Variants in ZP3 observed in about 807,000 individuals in gnomAD.
The protein encoded by ZP3 is zona pellucida glycoprotein 3, also known as zona pellucida sperm-binding protein 3.
In ZP3, 21 loss-of-function variants were observed where a neutral mutation model predicts 35.6. The ratio of observed to expected loss-of-function variants is 0.59; its 90% confidence interval spans 0.42 to 0.85. The LOEUF is 0.85. Ranked by LOEUF, ZP3 falls within the 40% of genes least tolerant of loss-of-function variation. The pLI is 0.00. For missense variants in ZP3, 437 were observed against 536.5 expected (o/e 0.81, Z 1.83); for synonymous variants, 207 against 214.5 (o/e 0.96, Z 0.31).
intron 1 of ZP3, among the ~76,000 whole-genome samples, chr7:76,406,462 T>G (rs914285147): frequency 6.6e-6 from 1 of 152,034 alleles, no homozygotes; most frequent in African/African-American, 2.4e-5. Context: ...ATTAATTAAT[T>G]TTTTTTACTT....
intron 1 of ZP3, chr7:76,400,957 G>T: frequency 6.5e-7 from 1 of 1,550,026 alleles, no homozygotes; most frequent in Non-Finnish European, 8.7e-7. Flanking sequence ...TCTGAGGCTG[G>T]AGTACCTGGC....
intron 1 of ZP3, among the ~76,000 whole-genome samples, chr7:76,412,951 T>G (rs1449292984): frequency 7.6e-6 from 1 of 131,184 alleles, no homozygotes; most frequent in Non-Finnish European, 1.6e-5. Flanking sequence ...CTTCTTTGTC[T>G]TCTTCTTCTT....
intron 1 of ZP3, chr7:76,397,927 C>A: frequency 8.0e-7 from 1 of 1,257,378 alleles, no homozygotes; most frequent in East Asian, 2.6e-5. Context: ...ATCTACAACC[C>A]TTGGGCATCT....
At position 76,400,506 on chromosome 7, in the gene ZP3, G is replaced by A. The variant is rs575407993; in HGVS notation, c.-67+2709G>A. ...CGTTGGCGTCCACCACGTCCCAGTC[G>A]TCATCACAGACGCTGCCCCAGGAGC... On this transcript the variant is annotated intron_variant, in intron 1 of 8. Transcript: ENST00000336517. 104 of 1,595,748 alleles carry A rather than the reference G, an allele frequency of 6.5e-5. 3 individuals carry two copies. In the South Asian group the frequency reaches 1.1e-3, roughly 16 times the overall value.
chr7:76,440,346 G>A lies in ZP3; in HGVS notation c.923+5G>A. The A allele has an allele frequency of 8.6e-7, 1 of 1,162,170 alleles. No homozygotes were observed. The highest frequency in any genetic ancestry group is 1.1e-6 in the Non-Finnish European group (1 of 918,772). The allele number at this position is 1,162,170 out of a possible 1,614,324, so 72.0% of individuals were successfully genotyped here. Reference sequence around the variant, plus strand: ...CTTCAGCAAGCCTTCCAACAGGTGAGGAGGACAGGTGCTCCGTGACTGGAG... The same window carrying A: ...CTTCAGCAAGCCTTCCAACAGGTGAAGAGGACAGGTGCTCCGTGACTGGAG... On this transcript the variant is annotated splice_donor_5th_base_variant and intron_variant, in intron 6 of 7. Transcript: ENST00000394857.
In ZP3 at chr7:76,433,656, T is replaced by A; in HGVS notation, c.713+9T>A. 1.3e-6 allele frequency: 2 copies of A among 1,588,044 alleles called. No individual in the cohort carries two copies. Among genetic ancestry groups the A allele is most frequent in the Non-Finnish European group, 1.7e-6 (2 of 1,165,084 alleles). ...ATCGTGGACTTCCATGGGTGAGCAC[T>A]GGGCTCCCTGCCTAGAGAACCTTCC... On this transcript the variant is annotated intron_variant, in intron 4 of 7. Coordinates refer to ENST00000394857, the MANE Select transcript of ZP3 (RefSeq NM_001110354.2).
intron 3 of ZP3, 88 bp downstream of exon 3, chr7:76,433,118 T>G (rs554616336): frequency 3.9e-5 from 23 of 583,172 alleles, no homozygotes; most frequent in East Asian, 3.0e-4. Context: ...TTTTTGTTTG[T>G]TTGGTTTTGG....
At chr7:76,429,084 G>C (rs1354412838) in intron 1 of ZP3, 12 of 215,262 alleles carry the variant, frequency 5.6e-5, no homozygotes, top group Non-Finnish European at 1.1e-4. Flanking sequence ...GTACTGGGGG[G>C]CATGGAGGGG....
chr7:76,425,419 A>C lies in ZP3; in HGVS notation c.312+143A>C, dbSNP rs111978546. The C allele has an allele frequency of 3.4e-6, 3 of 890,252 alleles. No individual in the cohort carries two copies. The South Asian group carries it at 5.4e-5, about 16-fold the overall frequency. The allele number at this position is 890,252 out of a possible 1,614,324, so 55.1% of individuals were successfully genotyped here. A position where few individuals can be genotyped will look rare whatever the true frequency, so the allele number is the denominator to read the frequency against. On this transcript the variant is annotated intron_variant, in intron 1 of 7. Transcript: ENST00000394857. The stretch of plus-strand genomic sequence containing the variant: ...GGGGAGGTGGCCCAGTTGAGGCCTG[A>C]AGCTGGCACTGAGGTCACCGGACCC...
At chr7:76,420,906 C>CAT (rs1805488349), upstream of ZP3, among the ~76,000 whole-genome samples, 1 of 144,588 alleles carries the variant, frequency 6.9e-6, no homozygotes. Flanking sequence ...TATATTTCCA[C>CAT]GTGTGTGTGT....
chr7:76,415,368 A>AAAAAAAAAAAAAAAAAG (rs1805344611), intron 1 of ZP3, among the ~76,000 whole-genome samples: 1 of 150,656 alleles, frequency 6.6e-6, no homozygotes, highest in South Asian at 2.1e-4. Context: ...CCGTCTCAAA[A>AAAAAAAAAAAAAAAAAG]AAAAAAAAAA....
intron 1 of ZP3, among the ~76,000 whole-genome samples, chr7:76,410,979 A>G (rs1805226094): frequency 6.9e-6 from 1 of 144,074 alleles, no homozygotes; most frequent in Non-Finnish European, 1.5e-5. Flanking sequence ...TGGGCAACAG[A>G]GCAAGACTCC....
At chr7:76,432,389 T>A (rs1426579667) in intron 2 of ZP3, among the ~76,000 whole-genome samples, 1 of 152,106 alleles carries the variant, frequency 6.6e-6, no homozygotes, top group African/African-American at 2.4e-5. Flanking sequence ...TTTCACCATG[T>A]TAGCCAGGAT....
upstream of ZP3, among the ~76,000 whole-genome samples, chr7:76,423,707 T>C (rs1017139564): frequency 5.3e-5 from 8 of 151,772 alleles, no homozygotes; most frequent in African/African-American, 1.7e-4. Context: ...GGATCCCTTG[T>C]GGTGAGGAGC....
chr7:76,433,154 G>GTTGGTTTTGGTTGGTTTTGC (rs1464311202), intron 3 of ZP3, 124 bp downstream of exon 3: 1 of 761,258 alleles, frequency 1.3e-6, no homozygotes, highest in African/African-American at 1.8e-5. Context: ...GTTGGTTTTG[G>GTTGGTTTTGGTTGGTTTTGC]TTGGTTTTGG....
chr7:76,405,965 C>CTTCCT lies in ZP3; in HGVS notation c.-67+8182_-67+8186dup, dbSNP rs1554622787. ...CCTTTCTTTCCTTCCTTCCTTCCTTCTTCCTTTCCTTTCCTTTCTTTTCTT... is the reference window on the plus strand; with the variant it reads ...CCTTTCTTTCCTTCCTTCCTTCCTTCTTCCTTTCCTTTCCTTTCCTTTCTTTTCTT... On this transcript the variant is annotated intron_variant, in intron 1 of 8. Coordinates refer to the ZP3 transcript ENST00000336517. Among the ~76,000 whole-genome samples the CTTCCT allele has an allele frequency of 6.2e-5, 8 of 129,020 alleles. 1 individual carries two copies. The highest frequency in any genetic ancestry group is 3.0e-4 in the Admixed American group (4 of 13,450). The allele number at this position is 129,020 out of a possible 152,430, so 84.6% of individuals were successfully genotyped here.
chr7:76,398,789 G>A (rs751239252), intron 1 of ZP3: 27 of 1,612,564 alleles, frequency 1.7e-5, no homozygotes, highest in Non-Finnish European at 2.3e-5. Flanking sequence ...GGCTGCGTTG[G>A]CAAGAATTCT....
intron 2 of ZP3, among the ~76,000 whole-genome samples, chr7:76,430,949 G>C (rs1288727193): frequency 2.6e-5 from 4 of 152,224 alleles, no homozygotes; most frequent in African/African-American, 9.6e-5. Context: ...CATGCAGCCT[G>C]GGGGCTGGAG....
chr7:76,437,678 T>A (rs1473269958), intron 5 of ZP3, among the ~76,000 whole-genome samples: 4 of 145,520 alleles, frequency 2.7e-5, no homozygotes, highest in South Asian at 2.2e-4. Flanking sequence ...TTTTTTTTTT[T>A]AGTAGAGATG....
Sources: allele counts gnomAD v4.1 joint callset (sites outside exome capture counted in the v4.1 genomes callset), GRCh38; gene constraint gnomAD v4.1.1; transcripts MANE v1.5; gene names NCBI Gene and HGNC (gene_info 2026-07-23, HGNC 2026-07-21).